Variants in ARHGAP24 observed in about 807,000 individuals in gnomAD.
The protein encoded by ARHGAP24 is rho GTPase-activating protein 24.
In ARHGAP24, 50 loss-of-function variants were observed where a neutral mutation model predicts 76.4. The observed-to-expected ratio is 0.65, with a 90% CI of 0.52 to 0.83. ARHGAP24 has a LOEUF of 0.83. Ranked by LOEUF, ARHGAP24 falls within the 40% of genes least tolerant of loss-of-function variation. The pLI, the probability that ARHGAP24 is intolerant of heterozygous loss-of-function variation, is 0.00. For missense variants in ARHGAP24, 930 were observed against 914.2 expected (o/e 1.02, Z -0.22); for synonymous variants, 345 against 323.3 (o/e 1.07, Z -0.72).
chr4:85,960,567 G>A (rs957873900), intron 5 of ARHGAP24, among the ~76,000 whole-genome samples: 5 of 151,996 alleles, frequency 3.3e-5, no homozygotes, highest in African/African-American at 4.8e-5. Context: ...TATAATGTAG[G>A]CATTCAATAA....
At chr4:85,800,409 T>C (rs1728527305) in intron 3 of ARHGAP24, among the ~76,000 whole-genome samples, 1 of 151,890 alleles carries the variant, frequency 6.6e-6, no homozygotes. Flanking sequence ...AAGCAGAAAA[T>C]AGGTCCCAGG....
At chr4:85,890,815 G>A (rs1733845283) in intron 3 of ARHGAP24, among the ~76,000 whole-genome samples, 1 of 152,146 alleles carries the variant, frequency 6.6e-6, no homozygotes, top group Non-Finnish European at 1.5e-5. Flanking sequence ...AGATTTTTAA[G>A]CAGAAAAGTT....
chr4:85,772,471 A>C (rs1727167928), intron 3 of ARHGAP24, among the ~76,000 whole-genome samples: 1 of 152,148 alleles, frequency 6.6e-6, no homozygotes. Flanking sequence ...TCAATGTCTT[A>C]GTTTTACCTC....
intron 3 of ARHGAP24, among the ~76,000 whole-genome samples, chr4:85,821,118 C>T (rs1352276167): frequency 1.3e-5 from 2 of 151,958 alleles, no homozygotes; most frequent in Non-Finnish European, 1.5e-5. Flanking sequence ...CCACATAAAG[C>T]TCTACCCATG....
intron 3 of ARHGAP24, among the ~76,000 whole-genome samples, chr4:85,869,405 A>G (rs186662080): frequency 4.9e-4 from 75 of 152,148 alleles, no homozygotes; most frequent in African/African-American, 1.7e-3. Context: ...GGGGACTGTG[A>G]TTTTTGAAGA....
chr4:85,683,109 T>TGGGGGG (rs1205882687), intron 2 of ARHGAP24, among the ~76,000 whole-genome samples: 5 of 17,476 alleles, frequency 2.9e-4, no homozygotes, highest in African/African-American at 5.2e-4. Context: ...TCTCAGTGTG[T>TGGGGGG]GGGGGGGTGG....
chr4:85,630,919 G>A (rs1316575178), intron 2 of ARHGAP24, among the ~76,000 whole-genome samples: 1 of 152,018 alleles, frequency 6.6e-6, no homozygotes, highest in Non-Finnish European at 1.5e-5. Context: ...GATACATAGT[G>A]TTAATATTTT....
At chr4:85,819,645 G>A (rs1267832213) in intron 3 of ARHGAP24, among the ~76,000 whole-genome samples, 1 of 152,170 alleles carries the variant, frequency 6.6e-6, no homozygotes, top group African/African-American at 2.4e-5. Flanking sequence ...CTGGCCAGGT[G>A]CGGTGGCTCA....
chr4:85,979,246 T>C (rs1739505372), intron 8 of ARHGAP24, among the ~76,000 whole-genome samples: 1 of 152,188 alleles, frequency 6.6e-6, no homozygotes. Flanking sequence ...TTAATGAAAT[T>C]CCTAAAGCTA....
At chr4:85,671,221 C>T (rs974880826) in intron 2 of ARHGAP24, among the ~76,000 whole-genome samples, 2 of 152,104 alleles carry the variant, frequency 1.3e-5, no homozygotes, top group Non-Finnish European at 2.9e-5. Flanking sequence ...AATAGCCTTT[C>T]CTTCCCTTGA....
At chr4:85,735,768 G>A (rs1269152572) in intron 3 of ARHGAP24, among the ~76,000 whole-genome samples, 1 of 152,064 alleles carries the variant, frequency 6.6e-6, no homozygotes, top group Non-Finnish European at 1.5e-5. Context: ...ACTGTAGCCA[G>A]AGTGATATTT....
intron 2 of ARHGAP24, among the ~76,000 whole-genome samples, chr4:85,667,458 G>A (rs1335305275): frequency 6.6e-6 from 1 of 152,166 alleles, no homozygotes; most frequent in Non-Finnish European, 1.5e-5. Flanking sequence ...TCCTGAGGGA[G>A]GCAATGCCTT....
intron 2 of ARHGAP24, among the ~76,000 whole-genome samples, chr4:85,672,889 T>G (rs1305898855): frequency 6.6e-6 from 1 of 152,246 alleles, no homozygotes; most frequent in Non-Finnish European, 1.5e-5. Context: ...GTTGATTTGA[T>G]GTTCTGCAAC....
At chr4:85,964,958 A>G (rs985869198) in intron 5 of ARHGAP24, among the ~76,000 whole-genome samples, 1 of 152,068 alleles carries the variant, frequency 6.6e-6, no homozygotes, top group Non-Finnish European at 1.5e-5. Flanking sequence ...GTACATGATA[A>G]ACTAGCATTG....
At chr4:85,904,121 G>A (rs892711818) in intron 3 of ARHGAP24, among the ~76,000 whole-genome samples, 2 of 152,146 alleles carry the variant, frequency 1.3e-5, no homozygotes, top group Non-Finnish European at 2.9e-5. Context: ...TTGAATTGCT[G>A]TAAGAAATAA....
At chr4:85,532,329 A>C (rs1309349739) in intron 1 of ARHGAP24, among the ~76,000 whole-genome samples, 1 of 152,180 alleles carries the variant, frequency 6.6e-6, no homozygotes, top group Non-Finnish European at 1.5e-5. Context: ...AGGACAGAGA[A>C]AAGCAGAGAA....
At chr4:85,515,544 A>G (rs370342491) in intron 1 of ARHGAP24, among the ~76,000 whole-genome samples, 9 of 152,000 alleles carry the variant, frequency 5.9e-5, no homozygotes, top group African/African-American at 2.2e-4. Context: ...AGGATGTTAT[A>G]CACACTCAGC....
chr4:85,855,917 A>C (rs1731530874), intron 3 of ARHGAP24, among the ~76,000 whole-genome samples: 2 of 152,124 alleles, frequency 1.3e-5, no homozygotes, highest in Admixed American at 6.6e-5. Context: ...ATTTTAATTG[A>C]TTTTTAATAA....
At chr4:85,510,673 A>AT (rs1033898789) in intron 1 of ARHGAP24, among the ~76,000 whole-genome samples, 6 of 129,170 alleles carry the variant, frequency 4.6e-5, no homozygotes, top group Non-Finnish European at 7.9e-5. Context: ...CTCCAGGCTC[A>AT]TTTTTTTTCC....
Sources: allele counts gnomAD v4.1 joint callset (sites outside exome capture counted in the v4.1 genomes callset), GRCh38; gene constraint gnomAD v4.1.1; transcripts MANE v1.5; gene names NCBI Gene and HGNC (gene_info 2026-07-23, HGNC 2026-07-21).